Variants in COPS7B observed in about 807,000 individuals in gnomAD.
COPS7B encodes COP9 signalosome complex subunit 7b.
A neutral mutation model predicts 33.4 loss-of-function variants in COPS7B; 9 were observed. The ratio of observed to expected loss-of-function variants is 0.27; its 90% CI spans 0.16 to 0.47. The LOEUF (loss-of-function observed/expected upper bound fraction) is 0.47, where lower values mean the gene tolerates loss of function less well. COPS7B is among the 20% of genes least tolerant of loss of function. The pLI is 0.99. For synonymous variants in COPS7B, 119 were observed against 126.3 expected (o/e 0.94, Z 0.39); for missense variants, 242 against 318.2 (o/e 0.76, Z 1.82).
In COPS7B at chr2:231,808,309, G is replaced by T; in HGVS notation, c.*664G>T. On this transcript the variant is annotated 3_prime_UTR_variant, in exon 7 of 7. Coordinates refer to ENST00000350033, the MANE Select transcript of COPS7B (RefSeq NM_022730.4). ...AACCTCTGGTATCTGAGCACAGACA[G>T]AGGGTGCTGTGGGTCTGCTGGGTGG... 2.5e-6 allele frequency: 1 copy of T among 403,514 alleles called. No individual in the cohort carries two copies. The highest frequency in any genetic ancestry group is 5.1e-6 in the Non-Finnish European group (1 of 196,266). The allele number at this position is 403,514 out of a possible 1,614,324, so 25.0% of individuals were successfully genotyped here.
chr2:231,797,577 C>G (rs1482801193), intron 5 of COPS7B, among the ~76,000 whole-genome samples: 2 of 152,130 alleles, frequency 1.3e-5, no homozygotes, highest in Non-Finnish European at 2.9e-5. Context: ...ATATGTTTGA[C>G]ATAGAGGTGC....
At chr2:231,792,031 T>C (rs117887698) in intron 3 of COPS7B, 10,612 of 671,814 alleles carry the variant, frequency 0.016, 105 homozygotes, top group East Asian at 0.022. Flanking sequence ...CATCCACAAA[T>C]GTAGCCCTTG....
intron 6 of COPS7B, among the ~76,000 whole-genome samples, chr2:231,804,221 G>A (rs544535515): frequency 6.6e-6 from 1 of 151,340 alleles, no homozygotes; most frequent in East Asian, 1.9e-4. Flanking sequence ...GTTAAATAAT[G>A]TAGAAAACTA....
intron 1 of COPS7B, 84 bp from the exon 2 acceptor site, chr2:231,788,471 T>A (rs1438085929): frequency 1.6e-6 from 2 of 1,259,776 alleles, no homozygotes; most frequent in South Asian, 1.4e-5. Flanking sequence ...AAGTAAAGTA[T>A]TCTGGTGTTT....
chr2:231,794,919 A>ATT (rs906484977), intron 4 of COPS7B, among the ~76,000 whole-genome samples: 17 of 135,834 alleles, frequency 1.3e-4, no homozygotes, highest in African/African-American at 2.2e-4. Flanking sequence ...CGCCCGGCTA[A>ATT]TTTTTTTTTT....
chr2:231,791,014 A>C (rs2049400587), intron 2 of COPS7B: 3 of 154,490 alleles, frequency 1.9e-5, no homozygotes, highest in Admixed American at 1.3e-4. Flanking sequence ...CTGGGATTAC[A>C]GGCGTGAGCC....
At chr2:231,794,504 A>C (rs1271002110) in intron 4 of COPS7B, among the ~76,000 whole-genome samples, 153 bp downstream of exon 4, 1 of 152,198 alleles carries the variant, frequency 6.6e-6, no homozygotes, top group African/African-American at 2.4e-5. Flanking sequence ...GGTGTAGAAA[A>C]GTACTCCCCA....
chr2:231,783,429 CAA>C (rs1344945003), upstream of COPS7B, among the ~76,000 whole-genome samples: 1 of 152,202 alleles, frequency 6.6e-6, no homozygotes, highest in Admixed American at 6.5e-5. Flanking sequence ...CTTGTCAACA[CAA>C]GAGTTTTGTT....
upstream of COPS7B, among the ~76,000 whole-genome samples, chr2:231,783,782 G>A (rs1281432643): frequency 6.6e-6 from 1 of 152,166 alleles, no homozygotes; most frequent in Non-Finnish European, 1.5e-5. Flanking sequence ...CTGGAATGCA[G>A]TGGCTATTCA....
In COPS7B at chr2:231,788,706, C is replaced by A. The variant is rs771309215; in HGVS notation, c.136C>A (p.Leu46Ile). Residue 46 changes from leucine to isoleucine, a missense_variant, in exon 2 of 7, where the codon CTT (leucine) becomes ATT (isoleucine). By Grantham distance (5) the Leu-to-Ile change is conservative. Coordinates refer to ENST00000350033, the MANE Select transcript of COPS7B (RefSeq NM_022730.4). ...EAPGVYVFGE[L>I]LELANVQELA... ...TCCCGGAGTGTATGTCTTTGGAGAA[C>A]TTCTGGAGCTGGCCAACGTGCAGGA... 8.3e-5 allele frequency: 134 copies of A among 1,613,988 alleles called. No homozygotes were observed. Among genetic ancestry groups the A allele is most frequent in the Non-Finnish European group, 1.1e-4 (131 of 1,180,026 alleles).
At chr2:231,798,310 G>A (rs150805734) in intron 5 of COPS7B, among the ~76,000 whole-genome samples, 1,848 of 138,794 alleles carry the variant, frequency 0.013, 28 homozygotes, top group Non-Finnish European at 0.018. Flanking sequence ...AGGCTGGAGT[G>A]CAATTGCGTG....
At position 231,799,612 on chromosome 2, in the gene COPS7B, C is replaced by T. The variant is rs547196821; in HGVS notation, c.636+648C>T. ...GGACAGATGTAGGCCCCAGCCTTTG[C>T]GTTATGGGCATTTGTGTACCTGTAA... On this transcript the variant is annotated intron_variant, in intron 6 of 6. Transcript: ENST00000350033. Among the ~76,000 whole-genome samples, 41 of 152,240 alleles carry T rather than the reference C, an allele frequency of 2.7e-4. No individual in the cohort carries two copies. The South Asian group carries it at 6.6e-3, about 25-fold the overall frequency.
At position 231,788,627 on chromosome 2, in the gene COPS7B, C is replaced by A; in HGVS notation, c.57C>A (p.Ala19=). Residue 19 remains alanine (A), a synonymous_variant, in exon 2 of 7, where the codon GCC becomes GCA. Transcript: ENST00000350033. ...SNLLEQFILL[A]KGTSGSALTA... ...TCCTGGAGCAGTTTATTTTACTAGC[C>A]AAAGGTACCAGTGGCTCAGCCCTCA... 6.2e-7 allele frequency: 1 copy of A among 1,614,086 alleles called. No individual in the cohort carries two copies. Among genetic ancestry groups the A allele is most frequent in the Non-Finnish European group, 8.5e-7 (1 of 1,179,986 alleles).
At chr2:231,783,021 CTGTTCT>C (rs2049165970), upstream of COPS7B, among the ~76,000 whole-genome samples, 3 of 152,158 alleles carry the variant, frequency 2.0e-5, no homozygotes, top group Admixed American at 6.5e-5. Flanking sequence ...TCAGTTTTCT[CTGTTCT>C]TGAATTCCAG....
chr2:231,803,279 A>G (rs577143883), intron 6 of COPS7B, among the ~76,000 whole-genome samples: 1 of 152,162 alleles, frequency 6.6e-6, no homozygotes, highest in East Asian at 1.9e-4. Flanking sequence ...CCTGGGGAGG[A>G]GCGGTAACCC....
chr2:231,781,991 T>C (rs1406113569), upstream of COPS7B: 1 of 1,042,274 alleles, frequency 9.6e-7, no homozygotes, highest in East Asian at 2.6e-5. Context: ...TTTACATGTA[T>C]TTCAGGGTTT....
At chr2:231,784,300 G>C (rs894173132), upstream of COPS7B, among the ~76,000 whole-genome samples, 2 of 151,332 alleles carry the variant, frequency 1.3e-5, no homozygotes, top group African/African-American at 4.9e-5. Flanking sequence ...AACATAGTGA[G>C]ACCCCATCTT....
chr2:231,801,237 T>G, intron 6 of COPS7B: 1 of 1,550,378 alleles, frequency 6.5e-7, no homozygotes, highest in Non-Finnish European at 8.7e-7. Flanking sequence ...GCCCTCCTTC[T>G]TAATGAAGTC....
intron 2 of COPS7B, chr2:231,790,900 G>T (rs1221587516): frequency 6.5e-6 from 1 of 153,172 alleles, no homozygotes; most frequent in African/African-American, 2.4e-5. Context: ...CACCGCGCCC[G>T]GCTAATTTTT....
Sources: allele counts gnomAD v4.1 joint callset (sites outside exome capture counted in the v4.1 genomes callset), GRCh38; gene constraint gnomAD v4.1.1; transcripts MANE v1.5; gene names NCBI Gene and HGNC (gene_info 2026-07-23, HGNC 2026-07-21).